Variants in ARHGAP15 observed in about 807,000 individuals in gnomAD.
The protein encoded by ARHGAP15 is Rho GTPase activating protein 15.
A neutral mutation model predicts 63.7 loss-of-function variants in ARHGAP15; 51 were observed. That is an observed-to-expected ratio of 0.80 (90% CI 0.64 to 1.01). The LOEUF is 1.01. ARHGAP15 is among the 50% of genes least tolerant of loss of function. The pLI is 0.00. For synonymous variants in ARHGAP15, 191 were observed against 193.8 expected (o/e 0.99, Z 0.12); for missense variants, 560 against 564.6 (o/e 0.99, Z 0.08).
intron 6 of ARHGAP15, 171 bp from the exon 7 acceptor site, chr2:143,435,430 A>G (rs1366748125): frequency 8.1e-7 from 1 of 1,232,716 alleles, no homozygotes; most frequent in Admixed American, 3.8e-5. Context: ...AACAGTTTAT[A>G]GAGAGCGGTT....
rs917141783 is a variant in ARHGAP15, at chr2:143,477,404, T to A, written c.704-9969T>A. Among the ~76,000 whole-genome samples the A allele has an allele frequency of 2.0e-5, 3 of 151,498 alleles. No homozygotes were observed. In the East Asian group the frequency reaches 5.9e-4, roughly 30 times the overall value. On this transcript the variant is annotated intron_variant, in intron 8 of 13. Transcript: ENST00000295095. ...ATGATGCAGGATGCCTATCATATTT[T>A]AATTATTAATCATATTTTAATCATT...
chr2:143,763,750 ATATG>A (rs1047232845), intron 13 of ARHGAP15, among the ~76,000 whole-genome samples: 63 of 148,520 alleles, frequency 4.2e-4, no homozygotes, highest in Non-Finnish European at 7.1e-4. Flanking sequence ...ATGTATATGT[ATATG>A]TATGTATATA....
Position 143,134,959 on chromosome 2 carries a change from G to A in ARHGAP15, c.-15+5493G>A, listed in dbSNP as rs1354629574. 5.3e-5 allele frequency among the ~76,000 whole-genome samples: 8 copies of A among 152,118 alleles called. No individual in the cohort carries two copies. The East Asian group carries it at 1.5e-3, about 29-fold the overall frequency. On this transcript the variant is annotated intron_variant, in intron 1 of 13. Coordinates refer to ENST00000295095, the MANE Select transcript of ARHGAP15 (RefSeq NM_018460.4). The stretch of plus-strand genomic sequence containing the variant: ...CTAAATGCTGTATTCCTTTTCTAAA[G>A]CTTGAAATAGACAGTAGCTTAAAAG...
chr2:143,743,996 T>C (rs1686065177), intron 13 of ARHGAP15, among the ~76,000 whole-genome samples: 1 of 150,560 alleles, frequency 6.6e-6, no homozygotes, highest in South Asian at 2.1e-4. Context: ...GATCATTTCA[T>C]TGTTTAAGAT....
chr2:143,681,423 A>G (rs1683095812), intron 12 of ARHGAP15, among the ~76,000 whole-genome samples: 1 of 152,198 alleles, frequency 6.6e-6, no homozygotes, highest in African/African-American at 2.4e-5. Context: ...TGCAGTCCTT[A>G]AAGTATGGAA....
chr2:143,452,856 G>A (rs1690471244), intron 8 of ARHGAP15, among the ~76,000 whole-genome samples: 1 of 151,878 alleles, frequency 6.6e-6, no homozygotes, highest in Non-Finnish European at 1.5e-5. Flanking sequence ...ATATTGGGAT[G>A]ATATAGTAGA....
At chr2:143,290,945 A>C (rs1682366247) in intron 6 of ARHGAP15, among the ~76,000 whole-genome samples, 1 of 152,174 alleles carries the variant, frequency 6.6e-6, no homozygotes, top group African/African-American at 2.4e-5. Flanking sequence ...GATTTGTCAG[A>C]AAGGACTTAA....
chr2:143,217,407 C>T (rs1692798246), intron 4 of ARHGAP15, among the ~76,000 whole-genome samples: 1 of 152,170 alleles, frequency 6.6e-6, no homozygotes, highest in Non-Finnish European at 1.5e-5. Flanking sequence ...TTGTAAATAA[C>T]AAGCTCTATT....
At chr2:143,270,363 T>C (rs1360892248) in intron 6 of ARHGAP15, among the ~76,000 whole-genome samples, 1 of 152,242 alleles carries the variant, frequency 6.6e-6, no homozygotes, top group African/African-American at 2.4e-5. Context: ...TTCTTGGTAT[T>C]TACAATTTAA....
chr2:143,537,405 G>T (rs1694828431), intron 10 of ARHGAP15, among the ~76,000 whole-genome samples: 1 of 152,028 alleles, frequency 6.6e-6, no homozygotes, highest in South Asian at 2.1e-4. Context: ...TGTCAATTTT[G>T]GCTTTTGTTG....
chr2:143,280,439 G>T (rs990635761), intron 6 of ARHGAP15, among the ~76,000 whole-genome samples: 2 of 152,102 alleles, frequency 1.3e-5, no homozygotes, highest in African/African-American at 4.8e-5. Context: ...ACAATAAAGA[G>T]AGGTTAATAG....
intron 9 of ARHGAP15, among the ~76,000 whole-genome samples, chr2:143,493,067 CA>C (rs201675531): frequency 7.8e-6 from 1 of 128,804 alleles, no homozygotes; most frequent in East Asian, 1.9e-4. Context: ...CAAAAAAAAA[CA>C]AAAAAAACCA....
chr2:143,441,479 CAAAGT>C (rs1689880010), intron 8 of ARHGAP15, among the ~76,000 whole-genome samples: 1 of 152,146 alleles, frequency 6.6e-6, no homozygotes. Context: ...TTCCTTTACA[CAAAGT>C]TCTAGTTTAT....
At chr2:143,715,935 C>T (rs1684789803) in intron 13 of ARHGAP15, among the ~76,000 whole-genome samples, 1 of 152,134 alleles carries the variant, frequency 6.6e-6, no homozygotes, top group African/African-American at 2.4e-5. Flanking sequence ...CAATTTTCTG[C>T]ATATGGCTAG....
chr2:143,301,660 AT>A (rs745671955), intron 6 of ARHGAP15, among the ~76,000 whole-genome samples: 35 of 151,976 alleles, frequency 2.3e-4, no homozygotes, highest in Non-Finnish European at 4.7e-4. Context: ...AGAGTTTAAT[AT>A]TTCAGTGAAT....
intron 11 of ARHGAP15, chr2:143,607,455 C>T (rs1489946201): frequency 2.6e-5 from 4 of 151,972 alleles, no homozygotes; most frequent in African/African-American, 9.7e-5. Context: ...CATTTAAATA[C>T]CAGCTACCTA....
At position 143,560,957 on chromosome 2, in the gene ARHGAP15, C is replaced by G. The variant is rs769767432; in HGVS notation, c.1003+4472C>G. Among the ~76,000 whole-genome samples, 126 of 152,196 alleles carry G rather than the reference C, an allele frequency of 8.3e-4. 1 individual carries two copies. The highest frequency in any genetic ancestry group is 1.6e-3 in the Non-Finnish European group (109 of 68,038). Reference sequence around the variant, plus strand: ...ATACAGCTCTTCTGCTTTGTGAAGGCATCCCCAAAGAAAACTGGTCCATGA... The same window carrying G: ...ATACAGCTCTTCTGCTTTGTGAAGGGATCCCCAAAGAAAACTGGTCCATGA... On this transcript the variant is annotated intron_variant, in intron 11 of 13. Transcript: ENST00000295095.
chr2:143,422,209 A>T (rs1380415845), intron 6 of ARHGAP15, among the ~76,000 whole-genome samples: 1 of 152,136 alleles, frequency 6.6e-6, no homozygotes, highest in South Asian at 2.1e-4. Context: ...ACTGGTTCTC[A>T]TGATAGAAAA....
chr2:143,298,900 G>A (rs1682768552), intron 6 of ARHGAP15, among the ~76,000 whole-genome samples: 1 of 151,898 alleles, frequency 6.6e-6, no homozygotes, highest in African/African-American at 2.4e-5. Context: ...CCACTTTACA[G>A]ATATCATAAT....
Sources: gnomAD v4.1 joint callset for allele counts (sites outside exome capture counted in the v4.1 genomes callset) on GRCh38, gnomAD v4.1.1 for gene constraint, MANE v1.5 for transcripts, NCBI Gene and HGNC (gene_info 2026-07-23, HGNC 2026-07-21) for gene names.